Variants in KCNQ3 observed in about 807,000 individuals in gnomAD.
KCNQ3 encodes potassium voltage-gated channel subfamily KQT member 3.
KCNQ3 carries 30 observed loss-of-function variants against 92.5 expected under a neutral mutation model. The observed-to-expected ratio is 0.32, with a 90% CI of 0.24 to 0.44. The LOEUF (loss-of-function observed/expected upper bound fraction) is 0.44, where lower values mean the gene tolerates loss of function less well. KCNQ3 is among the 20% of genes least tolerant of loss of function. KCNQ3 has a pLI of 1.00. For missense variants in KCNQ3, 913 were observed against 1,140.3 expected (o/e 0.80, Z 2.87); for synonymous variants, 450 against 468.8 (o/e 0.96, Z 0.52).
At chr8:132,408,156 C>T (rs1474826771) in intron 1 of KCNQ3, among the ~76,000 whole-genome samples, 8 of 146,108 alleles carry the variant, frequency 5.5e-5, no homozygotes, top group African/African-American at 1.2e-4. Flanking sequence ...CGGGTAACAT[C>T]GTTTTTTTAA....
At chr8:132,364,781 T>G (rs1232649779) in intron 1 of KCNQ3, among the ~76,000 whole-genome samples, 12 of 152,156 alleles carry the variant, frequency 7.9e-5, no homozygotes, top group African/African-American at 2.9e-4. Context: ...GGTGAGTCAG[T>G]ATGTACTTAT....
intron 9 of KCNQ3, among the ~76,000 whole-genome samples, chr8:132,157,887 T>C (rs1365686209): frequency 2.6e-5 from 4 of 152,114 alleles, no homozygotes; most frequent in Non-Finnish European, 4.4e-5. Context: ...GTCCATGTGT[T>C]CTCATTGTTC....
chr8:132,329,026 T>A (rs1447852391), intron 1 of KCNQ3, among the ~76,000 whole-genome samples: 1 of 152,162 alleles, frequency 6.6e-6, no homozygotes, highest in Non-Finnish European at 1.5e-5. Context: ...GAGTGCCTAC[T>A]AAGTGCCAGG....
At position 132,347,034 on chromosome 8, in the gene KCNQ3, C is replaced by T. The variant is rs528029154; in HGVS notation, c.386+133113G>A. On this transcript the variant is annotated intron_variant, in intron 1 of 14. Transcript: ENST00000388996. The stretch of plus-strand genomic sequence containing the variant: ...GAAGATGCTGGTAGTTTTGCCATCA[C>T]CCTCCATTGTCTTGTGTGGGCGGAT... Among the ~76,000 whole-genome samples the T allele has an allele frequency of 1.7e-4, 26 of 152,240 alleles. No homozygotes were observed. In the Middle Eastern group the frequency reaches 0.014, roughly 80 times the overall value.
chr8:132,182,894 A>G (rs1219731768), intron 3 of KCNQ3, among the ~76,000 whole-genome samples: 6 of 149,976 alleles, frequency 4.0e-5, no homozygotes, highest in Non-Finnish European at 8.8e-5. Context: ...ACACACACAC[A>G]CACACACACA....
chr8:132,170,633 T>G (rs972246269), intron 7 of KCNQ3, among the ~76,000 whole-genome samples: 1 of 151,976 alleles, frequency 6.6e-6, no homozygotes, highest in Admixed American at 6.6e-5. Flanking sequence ...GGAGCTATAA[T>G]TGGTGTTGTG....
At chr8:132,335,842 G>T (rs1818355996) in intron 1 of KCNQ3, among the ~76,000 whole-genome samples, 1 of 152,054 alleles carries the variant, frequency 6.6e-6, no homozygotes, top group South Asian at 2.1e-4. Flanking sequence ...CTTTTTGTAG[G>T]TTCCTTTTTC....
At chr8:132,233,817 C>T (rs1586850458) in intron 1 of KCNQ3, among the ~76,000 whole-genome samples, 1 of 152,074 alleles carries the variant, frequency 6.6e-6, no homozygotes, top group African/African-American at 2.4e-5. Flanking sequence ...TTAATCACAT[C>T]TTAATGTTAA....
chr8:132,341,287 T>G (rs1379929118), intron 1 of KCNQ3, among the ~76,000 whole-genome samples: 1 of 152,234 alleles, frequency 6.6e-6, no homozygotes, highest in Non-Finnish European at 1.5e-5. Context: ...ACTGGAGAGC[T>G]GTCATGTTCA....
At chr8:132,130,516 G>A (rs1263929290) in intron 14 of KCNQ3, among the ~76,000 whole-genome samples, 2 of 152,202 alleles carry the variant, frequency 1.3e-5, no homozygotes, top group African/African-American at 4.8e-5. Context: ...TGTTAATCTA[G>A]AGAAAACCTA....
intron 1 of KCNQ3, among the ~76,000 whole-genome samples, chr8:132,189,433 G>A (rs1563796663): frequency 6.6e-6 from 1 of 152,206 alleles, no homozygotes; most frequent in African/African-American, 2.4e-5. Context: ...TCCCTTAAGG[G>A]AAGGAACTGC....
intron 9 of KCNQ3, among the ~76,000 whole-genome samples, chr8:132,159,338 T>C (rs371278274): frequency 6.6e-6 from 1 of 152,334 alleles, no homozygotes; most frequent in East Asian, 1.9e-4. Context: ...TTTCAAGAAC[T>C]GAGTATCCCA....
intron 1 of KCNQ3, among the ~76,000 whole-genome samples, chr8:132,424,874 G>A (rs142219793): frequency 6.6e-6 from 1 of 152,164 alleles, no homozygotes; most frequent in Non-Finnish European, 1.5e-5. Flanking sequence ...CACTGTCACT[G>A]TATTTAGAGC....
chr8:132,294,000 G>GTGTTTTTTTTTTTGTTGTTTT (rs1816939658), intron 1 of KCNQ3, among the ~76,000 whole-genome samples: 2 of 124,178 alleles, frequency 1.6e-5, no homozygotes, highest in African/African-American at 6.2e-5. Context: ...TGTGTGTGTG[G>GTGTTTTTTTTTTTGTTGTTTT]TTTTTTTTTT....
chr8:132,343,547 C>T (rs1287679744), intron 1 of KCNQ3, among the ~76,000 whole-genome samples: 1 of 152,154 alleles, frequency 6.6e-6, no homozygotes, highest in Admixed American at 6.5e-5. Flanking sequence ...CAGGAGTCAA[C>T]CCCAAGGCTC....
chr8:132,310,222 T>C (rs1368327836), intron 1 of KCNQ3, among the ~76,000 whole-genome samples: 1 of 152,240 alleles, frequency 6.6e-6, no homozygotes, highest in African/African-American at 2.4e-5. Flanking sequence ...TTACTGAGAC[T>C]GGCCGTGCAG....
At chr8:132,352,510 GCC>G (rs1818904457) in intron 1 of KCNQ3, among the ~76,000 whole-genome samples, 2 of 152,116 alleles carry the variant, frequency 1.3e-5, no homozygotes, top group African/African-American at 4.8e-5. Flanking sequence ...GAAACTCACT[GCC>G]CCGAGCTGCT....
At chr8:132,331,412 G>A (rs1818224673) in intron 1 of KCNQ3, among the ~76,000 whole-genome samples, 1 of 152,228 alleles carries the variant, frequency 6.6e-6, no homozygotes, top group South Asian at 2.1e-4. Flanking sequence ...GGACCCAGCT[G>A]AGACTCAGGG....
At chr8:132,428,565 A>T (rs927554659) in intron 1 of KCNQ3, among the ~76,000 whole-genome samples, 5 of 152,184 alleles carry the variant, frequency 3.3e-5, no homozygotes, top group Non-Finnish European at 7.4e-5. Flanking sequence ...AGAGAGAGAG[A>T]GCACTTTCTA....
Sources: gnomAD v4.1 joint callset for allele counts (sites outside exome capture counted in the v4.1 genomes callset) on GRCh38, gnomAD v4.1.1 for gene constraint, MANE v1.5 for transcripts, NCBI Gene and HGNC (gene_info 2026-07-23, HGNC 2026-07-21) for gene names.